TBCD: variants seen among roughly 807,000 people sequenced by gnomAD.
TBCD encodes tubulin-specific chaperone D.
TBCD carries 105 observed loss-of-function variants against 169.3 expected under a neutral mutation model. That is an observed-to-expected ratio of 0.62 (90% CI 0.53 to 0.73). The LOEUF (loss-of-function observed/expected upper bound fraction) is 0.73. Among genes scored for constraint, TBCD ranks in the 30% least tolerant of loss-of-function variants. The probability of loss-of-function intolerance (pLI) is 0.00; values close to 1 mark genes in which losing one functional copy is unlikely to be tolerated. For synonymous variants in TBCD, 700 were observed against 643.9 expected, an observed-to-expected ratio of 1.09 and a Z score of -1.32; for missense variants, 1,444 against 1,600.1, an observed-to-expected ratio of 0.90 and a Z score of 1.66.
intron 12 of TBCD, among the ~76,000 whole-genome samples, chr17:82,810,001 A>G (rs2051308359): frequency 6.6e-6 from 1 of 152,168 alleles, no homozygotes; most frequent in South Asian, 2.1e-4. Flanking sequence ...GGAAAAAGAG[A>G]GTCAGTTTAG....
At chr17:82,813,942 AG>A (rs1054895707) in intron 12 of TBCD, among the ~76,000 whole-genome samples, 14 of 152,268 alleles carry the variant, frequency 9.2e-5, no homozygotes, top group African/African-American at 2.9e-4. Context: ...GATTTTCCTA[AG>A]TATTCTTGTC....
At chr17:82,926,745 T>C in intron 28 of TBCD, 2 of 566,566 alleles carry the variant, frequency 3.5e-6, no homozygotes, top group Non-Finnish European at 6.2e-6. Context: ...TGGCCCAAGG[T>C]TGGCAAAGAG....
At chr17:82,914,455 G>A (rs545934180) in intron 23 of TBCD, among the ~76,000 whole-genome samples, 1 of 152,352 alleles carries the variant, frequency 6.6e-6, no homozygotes, top group African/African-American at 2.4e-5. Context: ...AGGCATCCCT[G>A]CTCTGGGCCC....
intron 13 of TBCD, among the ~76,000 whole-genome samples, chr17:82,827,178 C>T (rs1478936363): frequency 6.6e-6 from 1 of 152,218 alleles, no homozygotes; most frequent in African/African-American, 2.4e-5. Context: ...GGTGTTTCAA[C>T]TTTTTCCAAG....
At chr17:82,894,498 CCGTGCAGAA>C (rs1279597257) in intron 17 of TBCD, among the ~76,000 whole-genome samples, 1 of 152,080 alleles carries the variant, frequency 6.6e-6, no homozygotes, top group Non-Finnish European at 1.5e-5. Context: ...GCTGTGTAGA[CCGTGCAGAA>C]AGGACGTTTC....
chr17:82,941,271 G>GC, intron 37 of TBCD, 128 bp from the exon 38 acceptor site: 1 of 728,034 alleles, frequency 1.4e-6, no homozygotes, highest in East Asian at 2.8e-5. Context: ...CCTCAGCCTG[G>GC]CTATGGATGT....
At chr17:82,891,235 G>A (rs1394696525) in intron 16 of TBCD, among the ~76,000 whole-genome samples, 6 of 152,210 alleles carry the variant, frequency 3.9e-5, no homozygotes, top group South Asian at 2.1e-4. Context: ...TACCTTTATC[G>A]GGGCAGCTCA....
chr17:82,916,930 G>A (rs1010909433), intron 23 of TBCD, among the ~76,000 whole-genome samples: 1 of 151,038 alleles, frequency 6.6e-6, no homozygotes, highest in African/African-American at 2.4e-5. Context: ...CCCACGTCTT[G>A]TCTGGATCAC....
chr17:82,788,907 A>G (rs1488393358), intron 7 of TBCD, among the ~76,000 whole-genome samples: 1 of 152,222 alleles, frequency 6.6e-6, no homozygotes, highest in Non-Finnish European at 1.5e-5. Context: ...TAGCACAGTC[A>G]GTCTTTGAAG....
At chr17:82,754,368 G>A (rs1320578697) in intron 1 of TBCD, among the ~76,000 whole-genome samples, 1 of 152,172 alleles carries the variant, frequency 6.6e-6, no homozygotes, top group African/African-American at 2.4e-5. Flanking sequence ...TCATGGGTCC[G>A]TGGATCCTAG....
At chr17:82,896,271 C>T (rs2059469947) in intron 17 of TBCD, among the ~76,000 whole-genome samples, 1 of 152,120 alleles carries the variant, frequency 6.6e-6, no homozygotes, top group South Asian at 2.1e-4. Flanking sequence ...CCCCGAGCCT[C>T]CAGGGCCAGG....
At chr17:82,775,668 T>A (rs991805953) in intron 6 of TBCD, among the ~76,000 whole-genome samples, 4 of 144,296 alleles carry the variant, frequency 2.8e-5, no homozygotes, top group African/African-American at 1.0e-4. Flanking sequence ...GTTACAGTGT[T>A]GCTAGAACAT....
At chr17:82,811,160 GTGGGCATATGTCCT>G (rs1242038274) in intron 12 of TBCD, among the ~76,000 whole-genome samples, 1 of 152,182 alleles carries the variant, frequency 6.6e-6, no homozygotes, top group Non-Finnish European at 1.5e-5. Flanking sequence ...GGTGGTCATG[GTGGGCATATGTCCT>G]CCTGTCGCCT....
chr17:82,792,240 A>G (rs2049786721), intron 7 of TBCD, among the ~76,000 whole-genome samples: 1 of 152,092 alleles, frequency 6.6e-6, no homozygotes, highest in Admixed American at 6.5e-5. Flanking sequence ...CCCAGGAGGC[A>G]GAGGTTGCAG....
intron 13 of TBCD, among the ~76,000 whole-genome samples, chr17:82,863,319 G>A (rs1259309089): frequency 1.3e-5 from 2 of 152,186 alleles, no homozygotes; most frequent in East Asian, 1.9e-4. Flanking sequence ...GGAACCTTTA[G>A]GTGCTGTGGC....
intron 13 of TBCD, chr17:82,865,368 G>A: frequency 1.3e-6 from 1 of 767,422 alleles, no homozygotes; most frequent in Non-Finnish European, 1.6e-6. Context: ...GCTCCACGCT[G>A]AGGGTCCCTC....
chr17:82,911,821 G>A, intron 23 of TBCD, 32 bp downstream of exon 23: 2 of 1,612,774 alleles, frequency 1.2e-6, no homozygotes, highest in Non-Finnish European at 1.7e-6. Context: ...GCCCTCTGCA[G>A]CCCTTTGCCG....
chr17:82,906,402 C>T (rs142114523), intron 20 of TBCD, among the ~76,000 whole-genome samples: 184 of 152,346 alleles, frequency 1.2e-3, no homozygotes, highest in African/African-American at 3.4e-3. Flanking sequence ...TTTTCCAAGA[C>T]GGCATTGAGC....
At chr17:82,783,159 G>T (rs1349241829) in intron 7 of TBCD, among the ~76,000 whole-genome samples, 3 of 152,154 alleles carry the variant, frequency 2.0e-5, no homozygotes, top group African/African-American at 7.2e-5. Context: ...GAATTGGGAA[G>T]TGTCCTCCTC....
Sources: allele counts gnomAD v4.1 joint callset (sites outside exome capture counted in the v4.1 genomes callset), GRCh38; gene constraint gnomAD v4.1.1; transcripts MANE v1.5; gene names NCBI Gene and HGNC (gene_info 2026-07-23, HGNC 2026-07-21).